FOCAD: variants seen among roughly 807,000 people sequenced by gnomAD.
The protein encoded by FOCAD is KIAA1797.
A neutral mutation model predicts 225.6 loss-of-function variants in FOCAD; 198 were observed. The ratio of observed to expected loss-of-function variants is 0.88; its 90% CI spans 0.78 to 0.99. The LOEUF is 0.99. Among genes scored for constraint, FOCAD ranks in the 50% least tolerant of loss-of-function variants. The probability of loss-of-function intolerance (pLI) is 0.00; values close to 1 mark genes in which losing one functional copy is unlikely to be tolerated. For missense variants in FOCAD, 2,713 were observed against 2,123.6 expected (o/e 1.28, Z -5.46); for synonymous variants, 897 against 755.0 (o/e 1.19, Z -3.08).
chr9:20,936,593 C>T (rs995146569), intron 28 of FOCAD, among the ~76,000 whole-genome samples: 14 of 152,060 alleles, frequency 9.2e-5, no homozygotes, highest in Middle Eastern at 3.2e-3. Flanking sequence ...CTTTGGGAGG[C>T]CGAGGCAGGT....
At chr9:20,937,957 C>T (rs552924897) in intron 28 of FOCAD, among the ~76,000 whole-genome samples, 1 of 152,218 alleles carries the variant, frequency 6.6e-6, no homozygotes, top group South Asian at 2.1e-4. Context: ...GACATTTATG[C>T]AGCCAAAAGA....
At position 20,716,114 on chromosome 9, in the gene FOCAD, C is replaced by T. The variant is rs745511421; in HGVS notation, c.57+704C>T. 6.3e-5 allele frequency: 30 copies of T among 476,920 alleles called. 1 individual carries two copies. Among genetic ancestry groups the T allele is most frequent in the Middle Eastern group, 3.5e-4 (1 of 2,870 alleles). 29.5% of individuals were successfully genotyped at this position (476,920 alleles called of 1,614,324 possible). A position where few individuals can be genotyped will look rare whatever the true frequency, so the allele number is the denominator to read the frequency against. The stretch of plus-strand genomic sequence containing the variant: ...ATGTCTGCTGTGGGAATTGACTTAG[C>T]TGGGTAGTGGGGAACCCTTCCATGA... On this transcript the variant is annotated intron_variant, in intron 2 of 43. Transcript: ENST00000338382.
Position 20,789,380 on chromosome 9 carries a change from C to T in FOCAD, c.1227C>T (p.Thr409=). 1 of 1,613,900 alleles carries T rather than the reference C, an allele frequency of 6.2e-7. No homozygotes were observed. Among genetic ancestry groups the T allele is most frequent in the Non-Finnish European group, 8.5e-7 (1 of 1,179,876 alleles). The change falls in exon 11 of 44, where the codon ACC becomes ACT. Residue 409 remains threonine, a synonymous_variant. Transcript: ENST00000338382. Reference sequence around the variant, plus strand: ...CCTACAAGCTTGTGTGCCCTGTAACCAGTATGTATGGTACAATATTTACAG... The same window carrying T: ...CCTACAAGCTTGTGTGCCCTGTAACTAGTATGTATGGTACAATATTTACAG... ...KLSYKLVCPV[T]SMYGTIFTAW... is the part of the protein sequence containing the mutation.
chr9:20,722,391 C>G (rs931670001), intron 4 of FOCAD, among the ~76,000 whole-genome samples: 4 of 152,238 alleles, frequency 2.6e-5, no homozygotes, highest in African/African-American at 7.2e-5. Context: ...CCTTCCCCTT[C>G]TCTGTCTGAC....
Position 20,805,874 on chromosome 9 carries a change from G to C in FOCAD, c.1456-13922G>C, listed in dbSNP as rs578205752. 2.0e-5 allele frequency among the ~76,000 whole-genome samples: 3 copies of C among 152,292 alleles called. No homozygotes were observed. The East Asian group carries it at 5.8e-4, about 29-fold the overall frequency. On this transcript the variant is annotated intron_variant, in intron 11 of 43. Coordinates refer to ENST00000338382, the MANE Select transcript of FOCAD (RefSeq NM_001375567.1). Reference sequence around the variant, plus strand: ...AATAGGAGATAGAAACCCTTTGTCAGGTTGCTAATGAGAGGCTTGACCTAG... The same window carrying C: ...AATAGGAGATAGAAACCCTTTGTCACGTTGCTAATGAGAGGCTTGACCTAG...
chr9:20,924,861 G>T (rs1834794013), intron 25 of FOCAD, among the ~76,000 whole-genome samples: 1 of 152,198 alleles, frequency 6.6e-6, no homozygotes. Flanking sequence ...CAGTGGGCCA[G>T]AACAACTTCA....
intron 3 of FOCAD, 93 bp downstream of exon 3, chr9:20,717,961 G>T (rs1825472811): frequency 7.5e-6 from 7 of 927,452 alleles, no homozygotes; most frequent in East Asian, 5.1e-5. Context: ...TGATAGTTCA[G>T]ATCACAGTAG....
intron 21 of FOCAD, among the ~76,000 whole-genome samples, chr9:20,903,748 C>G (rs1224357606): frequency 6.6e-6 from 1 of 151,950 alleles, no homozygotes; most frequent in Non-Finnish European, 1.5e-5. Flanking sequence ...GTGTCATTCA[C>G]ATAACATAAA....
rs528981588 is a variant in FOCAD, at chr9:20,830,933, C to T, written c.1920+7818C>T. Among the ~76,000 whole-genome samples the T allele has an allele frequency of 8.7e-4, 133 of 152,190 alleles. 1 individual carries two copies. The highest frequency in any genetic ancestry group is 7.9e-4 in the Admixed American group (12 of 15,266). On this transcript the variant is annotated intron_variant, in intron 15 of 43. Coordinates refer to ENST00000338382, the MANE Select transcript of FOCAD (RefSeq NM_001375567.1). ...GCTCAAGCAGTCCTCTCACCTTGGC[C>T]TCCCAAAGTACTGAGATTATAGGCA... is the stretch of plus-strand genomic sequence containing the variant.
intron 22 of FOCAD, among the ~76,000 whole-genome samples, chr9:20,910,408 C>G (rs753158433): frequency 6.6e-6 from 1 of 152,040 alleles, no homozygotes; most frequent in Non-Finnish European, 1.5e-5. Flanking sequence ...GCCAAATAAC[C>G]AGAAATCAGA....
At chr9:20,901,357 T>C (rs906880421) in intron 21 of FOCAD, among the ~76,000 whole-genome samples, 4 of 151,804 alleles carry the variant, frequency 2.6e-5, no homozygotes, top group East Asian at 1.9e-4. Context: ...CTTTGTAAGA[T>C]TGGGGTTTTA....
intron 8 of FOCAD, among the ~76,000 whole-genome samples, chr9:20,770,572 G>C (rs1353501379): frequency 6.6e-6 from 1 of 152,214 alleles, no homozygotes; most frequent in Non-Finnish European, 1.5e-5. Context: ...GAACACCTTT[G>C]TGATCCAGTC....
chr9:20,818,358 G>A (rs954508139), intron 11 of FOCAD, among the ~76,000 whole-genome samples: 9 of 151,810 alleles, frequency 5.9e-5, no homozygotes, highest in African/African-American at 2.2e-4. Flanking sequence ...ATCTTTTGAC[G>A]GACAAGCATT....
At chr9:20,980,769 G>A (rs1300743823) in intron 37 of FOCAD, among the ~76,000 whole-genome samples, 2 of 152,072 alleles carry the variant, frequency 1.3e-5, no homozygotes, top group African/African-American at 2.4e-5. Flanking sequence ...TAGACTTGCT[G>A]CCCCTTTAGT....
chr9:20,828,444 A>T (rs557586149), intron 15 of FOCAD, among the ~76,000 whole-genome samples: 5 of 152,130 alleles, frequency 3.3e-5, no homozygotes, highest in African/African-American at 1.2e-4. Flanking sequence ...TGGTAGGTAG[A>T]TCTCTAGGAG....
chr9:20,947,085 C>G (rs990787824), intron 30 of FOCAD, among the ~76,000 whole-genome samples: 4 of 151,896 alleles, frequency 2.6e-5, no homozygotes, highest in Non-Finnish European at 5.9e-5. Context: ...TGACATTGCT[C>G]TATAGTTATA....
At chr9:20,948,158 C>A in intron 30 of FOCAD, 113 bp from the exon 31 acceptor site, 2 of 999,962 alleles carry the variant, frequency 2.0e-6, no homozygotes, top group East Asian at 5.7e-5. Flanking sequence ...ACAAATACAG[C>A]TTGTCATTAG....
At position 20,823,001 on chromosome 9, in the gene FOCAD, T is replaced by A; in HGVS notation, c.1806T>A (p.His602Gln). Reference sequence around the variant, plus strand: ...TCATTTCTTGTAGGCCATATCAACATGGTGCAGATATGTTGGCAGCTATTT... The same window carrying A: ...TCATTTCTTGTAGGCCATATCAACAAGGTGCAGATATGTTGGCAGCTATTT... ...RDICKQRPYQHGADMLAAISQ... is the reference protein window; with the variant it reads ...RDICKQRPYQQGADMLAAISQ... The change falls in exon 15 of 44, where the codon CAT becomes CAA. Residue 602 changes from histidine to glutamine, a missense_variant. Transcript: ENST00000338382. 6.3e-7 allele frequency: 1 copy of A among 1,598,462 alleles called. No homozygotes were observed. The highest frequency in any genetic ancestry group is 8.5e-7 in the Non-Finnish European group (1 of 1,175,104).
chr9:20,795,084 C>G (rs1820912431), intron 11 of FOCAD, among the ~76,000 whole-genome samples: 1 of 151,962 alleles, frequency 6.6e-6, no homozygotes. Flanking sequence ...AAAATCCTAG[C>G]TAATTAAAAC....
Sources: allele counts gnomAD v4.1 joint callset (sites outside exome capture counted in the v4.1 genomes callset), GRCh38; gene constraint gnomAD v4.1.1; transcripts MANE v1.5; gene names NCBI Gene and HGNC (gene_info 2026-07-23, HGNC 2026-07-21).